ENTREP2: variants seen among roughly 807,000 people sequenced by gnomAD.
ENTREP2 encodes the protein protein ENTREP2.
chr15:29,243,169 ATTTTGAT>A, the ENTREP2 span, among the ~76,000 whole-genome samples: 1 of 152,212 alleles, frequency 6.6e-6, no homozygotes, highest in African/African-American at 2.4e-5. Flanking sequence ...ATGTGAATAC[ATTTTGAT>A]CACAACAAGC....
At chr15:29,650,150 T>C in the ENTREP2 span, among the ~76,000 whole-genome samples, 1 of 151,752 alleles carries the variant, frequency 6.6e-6, no homozygotes, top group South Asian at 2.1e-4. Flanking sequence ...TCTTCTCAAG[T>C]AGAAAAGCCA....
chr15:29,339,935 A>G, the ENTREP2 span, among the ~76,000 whole-genome samples: 1 of 152,208 alleles, frequency 6.6e-6, no homozygotes, highest in Non-Finnish European at 1.5e-5. Context: ...CGCCAGATAG[A>G]TATTTTTGCC....
the ENTREP2 span, among the ~76,000 whole-genome samples, chr15:29,609,144 T>C: frequency 6.7e-6 from 1 of 150,206 alleles, no homozygotes; most frequent in Non-Finnish European, 1.5e-5. Flanking sequence ...GTCATAAATA[T>C]TTTCCTTGGG....
the ENTREP2 span, among the ~76,000 whole-genome samples, chr15:29,384,257 T>C: frequency 6.6e-6 from 1 of 152,118 alleles, no homozygotes; most frequent in Admixed American, 6.5e-5. Flanking sequence ...TTCTTCTTTT[T>C]GTGAATTCAA....
the ENTREP2 span, among the ~76,000 whole-genome samples, chr15:29,219,625 A>ATATATATG: frequency 5.3e-5 from 1 of 19,034 alleles, no homozygotes; most frequent in Non-Finnish European, 1.3e-4. Context: ...ATATATATAT[A>ATATATATG]TATATATATA....
At chr15:29,207,424 T>C in the ENTREP2 span, among the ~76,000 whole-genome samples, 1 of 120,470 alleles carries the variant, frequency 8.3e-6, no homozygotes, top group East Asian at 2.7e-4. Context: ...TTCCACCTCC[T>C]ACGAGCGGTG....
chr15:29,455,885 G>A, the ENTREP2 span, among the ~76,000 whole-genome samples: 1 of 152,284 alleles, frequency 6.6e-6, no homozygotes, highest in Admixed American at 6.5e-5. Context: ...CTAGGTTGTG[G>A]CTCCTTATGA....
chr15:29,554,836 T>C, the ENTREP2 span, among the ~76,000 whole-genome samples: 2 of 152,154 alleles, frequency 1.3e-5, no homozygotes, highest in African/African-American at 4.8e-5. Context: ...CTAAAAGGCA[T>C]GGACCTCTTG....
the ENTREP2 span, among the ~76,000 whole-genome samples, chr15:29,338,468 G>C: frequency 1.3e-5 from 2 of 151,874 alleles, no homozygotes; most frequent in African/African-American, 4.8e-5. Context: ...AACCAGGCAG[G>C]CACAGATGGC....
At chr15:29,339,192 C>T in the ENTREP2 span, among the ~76,000 whole-genome samples, 3,646 of 152,338 alleles carry the variant, frequency 0.024, 140 homozygotes, top group African/African-American at 0.084. Flanking sequence ...AGCTGCCCAG[C>T]GGCCCACCCC....
chr15:29,634,505 A>G, the ENTREP2 span, among the ~76,000 whole-genome samples: 63 of 152,178 alleles, frequency 4.1e-4, no homozygotes, highest in Non-Finnish European at 2.5e-4. Flanking sequence ...AACACAGAAG[A>G]CTTCTATGGC....
chr15:29,299,593 T>C, the ENTREP2 span, among the ~76,000 whole-genome samples: 1 of 152,158 alleles, frequency 6.6e-6, no homozygotes, highest in Non-Finnish European at 1.5e-5. Context: ...TCAGTGGGAT[T>C]TCTCTGGCCT....
At chr15:29,131,254 A>T in the ENTREP2 span, among the ~76,000 whole-genome samples, 1 of 152,032 alleles carries the variant, frequency 6.6e-6, no homozygotes, top group Non-Finnish European at 1.5e-5. Flanking sequence ...GCAAACTTTG[A>T]AGACACTTTG....
the ENTREP2 span, among the ~76,000 whole-genome samples, chr15:29,672,819 G>A: frequency 6.6e-6 from 1 of 152,116 alleles, no homozygotes; most frequent in Admixed American, 6.6e-5. Flanking sequence ...AGATAAAATT[G>A]TTGCTGGAAA....
chr15:29,160,471 G>C, the ENTREP2 span, among the ~76,000 whole-genome samples: 1 of 152,144 alleles, frequency 6.6e-6, no homozygotes, highest in African/African-American at 2.4e-5. Flanking sequence ...CAGCACTTTT[G>C]GAGGCTAAGG....
the ENTREP2 span, among the ~76,000 whole-genome samples, chr15:29,260,113 G>A: frequency 2.6e-5 from 4 of 152,238 alleles, no homozygotes; most frequent in African/African-American, 4.8e-5. Flanking sequence ...ACAAAGAAAC[G>A]TCTGGGCCTA....
At chr15:29,348,298 G>C in the ENTREP2 span, among the ~76,000 whole-genome samples, 1 of 151,950 alleles carries the variant, frequency 6.6e-6, no homozygotes, top group Non-Finnish European at 1.5e-5. Flanking sequence ...GGTATTAGAA[G>C]GTGGTAAGTG....
chr15:29,548,442 G>T, the ENTREP2 span, among the ~76,000 whole-genome samples: 1 of 108,746 alleles, frequency 9.2e-6, no homozygotes, highest in Admixed American at 9.1e-5. Context: ...GCAAGAGAGC[G>T]AGATTCTGCC....
At chr15:29,455,688 G>A in the ENTREP2 span, among the ~76,000 whole-genome samples, 2 of 152,126 alleles carry the variant, frequency 1.3e-5, no homozygotes, top group African/African-American at 2.4e-5. Context: ...ATCAGTCCAT[G>A]GCCTGTTAGG....
Sources: allele counts gnomAD v4.1 joint callset (sites outside exome capture counted in the v4.1 genomes callset), GRCh38; gene constraint gnomAD v4.1.1; transcripts MANE v1.5; gene names NCBI Gene and HGNC (gene_info 2026-07-23, HGNC 2026-07-21).